POU6F2: variants seen among roughly 807,000 people sequenced by gnomAD.
The protein encoded by POU6F2 is POU class 6 homeobox 2.
Under a neutral mutation model 71.3 loss-of-function variants are expected in POU6F2, and 31 were observed. That is an observed-to-expected ratio of 0.43 (90% CI 0.33 to 0.59). The LOEUF is 0.59. POU6F2 is among the 20% of genes least tolerant of loss of function. POU6F2 has a pLI of 0.04. For missense variants in POU6F2, 783 were observed against 856.8 expected (o/e 0.91, Z 1.07); for synonymous variants, 347 against 355.7 (o/e 0.98, Z 0.27).
intron 4 of POU6F2, among the ~76,000 whole-genome samples, chr7:39,302,443 C>G (rs1457945851): frequency 6.6e-6 from 1 of 152,180 alleles, no homozygotes; most frequent in Non-Finnish European, 1.5e-5. Context: ...AAAGAAGAAA[C>G]TCAATACTCC....
intron 4 of POU6F2, among the ~76,000 whole-genome samples, chr7:39,219,510 TG>T (rs2128748118): frequency 6.6e-6 from 1 of 152,258 alleles, no homozygotes; most frequent in South Asian, 2.1e-4. Context: ...TTAGATCTGG[TG>T]CTATAGGGAA....
At chr7:39,229,064 T>G (rs1335817944) in intron 4 of POU6F2, among the ~76,000 whole-genome samples, 1 of 152,202 alleles carries the variant, frequency 6.6e-6, no homozygotes, top group Non-Finnish European at 1.5e-5. Context: ...GTTGTGGAAT[T>G]GGATGAGGAG....
chr7:39,403,468 T>C (rs1787348396), intron 5 of POU6F2, among the ~76,000 whole-genome samples: 1 of 152,226 alleles, frequency 6.6e-6, no homozygotes, highest in African/African-American at 2.4e-5. Context: ...CAGACTTCAT[T>C]TGGGCCATCC....
At chr7:39,084,020 A>G (rs939471698) in intron 1 of POU6F2, among the ~76,000 whole-genome samples, 1 of 152,160 alleles carries the variant, frequency 6.6e-6, no homozygotes, top group Non-Finnish European at 1.5e-5. Context: ...CAGGATGAGA[A>G]ATGTCAGCAT....
intron 2 of POU6F2, among the ~76,000 whole-genome samples, chr7:39,105,568 T>A (rs1276019264): frequency 6.6e-6 from 1 of 152,126 alleles, no homozygotes; most frequent in East Asian, 1.9e-4. Context: ...GAATAAGTAT[T>A]CTTGGTGCTT....
At chr7:39,086,101 C>A (rs1791239332) in intron 2 of POU6F2, 70 bp downstream of exon 2, 1 of 1,447,180 alleles carries the variant, frequency 6.9e-7, no homozygotes, top group Non-Finnish European at 9.3e-7. Context: ...CCCCCCCAAC[C>A]CCCCCTTTTT....
chr7:39,009,017 G>T (rs556437078), intron 1 of POU6F2, among the ~76,000 whole-genome samples: 5 of 152,202 alleles, frequency 3.3e-5, no homozygotes, highest in Admixed American at 6.5e-5. Flanking sequence ...CTCTTTTTTG[G>T]TTCCATATGA....
At chr7:39,355,986 C>G (rs1374991007) in intron 5 of POU6F2, among the ~76,000 whole-genome samples, 1 of 152,098 alleles carries the variant, frequency 6.6e-6, no homozygotes, top group African/African-American at 2.4e-5. Flanking sequence ...GGTCCACAGG[C>G]CCCTGGTCAG....
intron 2 of POU6F2, among the ~76,000 whole-genome samples, chr7:39,105,178 C>G (rs1479599465): frequency 6.6e-6 from 1 of 152,090 alleles, no homozygotes; most frequent in Admixed American, 6.5e-5. Context: ...ATAGATTTCC[C>G]AAACCTAACA....
chr7:39,420,870 T>C (rs557956937), intron 6 of POU6F2, among the ~76,000 whole-genome samples: 2 of 152,320 alleles, frequency 1.3e-5, no homozygotes, highest in East Asian at 3.9e-4. Context: ...TCAGCATAAA[T>C]TATAAATTAT....
At chr7:39,107,664 G>A (rs1183302160) in intron 2 of POU6F2, among the ~76,000 whole-genome samples, 1 of 152,046 alleles carries the variant, frequency 6.6e-6, no homozygotes, top group African/African-American at 2.4e-5. Context: ...TAACACAAGG[G>A]ATAGTGGAAC....
intron 4 of POU6F2, among the ~76,000 whole-genome samples, chr7:39,257,415 A>G (rs1011222979): frequency 6.6e-6 from 1 of 152,180 alleles, no homozygotes; most frequent in African/African-American, 2.4e-5. Context: ...TTCTTGTTAC[A>G]GTGAACTTTT....
At chr7:39,062,849 T>TTTTG (rs34183417) in intron 1 of POU6F2, among the ~76,000 whole-genome samples, 35,176 of 148,248 alleles carry the variant, frequency 0.24, 4,369 homozygotes, top group South Asian at 0.37. Context: ...CCCAGGAGTT[T>TTTTG]TTTGTTTGTT....
intron 5 of POU6F2, among the ~76,000 whole-genome samples, chr7:39,393,993 G>A (rs1787126547): frequency 6.6e-6 from 1 of 152,176 alleles, no homozygotes; most frequent in Non-Finnish European, 1.5e-5. Context: ...AGAATCTGTA[G>A]AAAAGACACA....
chr7:39,056,474 C>G (rs1391229331), intron 1 of POU6F2, among the ~76,000 whole-genome samples: 1 of 151,868 alleles, frequency 6.6e-6, no homozygotes, highest in African/African-American at 2.4e-5. Flanking sequence ...GGTGAATGTT[C>G]TTTTCTTGAT....
At chr7:39,392,209 A>T (rs1787087404) in intron 5 of POU6F2, among the ~76,000 whole-genome samples, 1 of 152,250 alleles carries the variant, frequency 6.6e-6, no homozygotes, top group South Asian at 2.1e-4. Flanking sequence ...TTATCATTTG[A>T]AGAACCTTAA....
At chr7:39,049,180 T>C (rs915759318) in intron 1 of POU6F2, among the ~76,000 whole-genome samples, 7 of 151,958 alleles carry the variant, frequency 4.6e-5, no homozygotes, top group Non-Finnish European at 8.8e-5. Context: ...TATGTTTTTT[T>C]CTATTTCCTT....
At chr7:39,327,219 C>T (rs1256892821) in intron 4 of POU6F2, among the ~76,000 whole-genome samples, 1 of 150,056 alleles carries the variant, frequency 6.7e-6, no homozygotes, top group African/African-American at 2.5e-5. Flanking sequence ...GTGGAGCTTG[C>T]AGGGAGCTGA....
chr7:39,112,476 C>T (rs926816168), intron 2 of POU6F2, among the ~76,000 whole-genome samples: 3 of 152,052 alleles, frequency 2.0e-5, no homozygotes, highest in Non-Finnish European at 4.4e-5. Context: ...GTTGTCCATT[C>T]TTTTTTCAAT....
Sources: allele counts gnomAD v4.1 joint callset (sites outside exome capture counted in the v4.1 genomes callset), GRCh38; gene constraint gnomAD v4.1.1; transcripts MANE v1.5; gene names NCBI Gene and HGNC (gene_info 2026-07-23, HGNC 2026-07-21).